MAPK10: variants seen among roughly 807,000 people sequenced by gnomAD.
MAPK10 encodes mitogen-activated protein kinase 10.
Under a neutral mutation model 59.3 loss-of-function variants are expected in MAPK10, and 25 were observed. The observed-to-expected ratio is 0.42, with a 90% CI of 0.31 to 0.59. The LOEUF (loss-of-function observed/expected upper bound fraction) is 0.59, where lower values mean the gene tolerates loss of function less well. Among genes scored for constraint, MAPK10 ranks in the 20% least tolerant of loss-of-function variants. MAPK10 has a pLI of 0.15. For missense variants in MAPK10, 351 were observed against 568.9 expected, an observed-to-expected ratio of 0.62 and a Z score of 3.90; for synonymous variants, 190 against 200.5, an observed-to-expected ratio of 0.95 and a Z score of 0.44.
intron 13 of MAPK10, among the ~76,000 whole-genome samples, chr4:86,019,538 T>C (rs987795330): frequency 3.9e-5 from 6 of 152,188 alleles, no homozygotes; most frequent in Admixed American, 6.5e-5. Context: ...CCCCTCATGA[T>C]AAGATTTTAT....
At chr4:86,536,010 G>A (rs1758217764) in intron 1 of MAPK10, among the ~76,000 whole-genome samples, 1 of 152,158 alleles carries the variant, frequency 6.6e-6, no homozygotes, top group Non-Finnish European at 1.5e-5. Flanking sequence ...CTATAGTAAT[G>A]CAATAAGGAA....
At chr4:86,354,694 T>C in intron 1 of MAPK10, 50 bp from the exon 2 acceptor site, 5 of 804,600 alleles carry the variant, frequency 6.2e-6, no homozygotes, top group Non-Finnish European at 8.4e-6. Context: ...GATTTAAATT[T>C]GTATTTAGAA....
chr4:86,586,879 A>T (rs1263487472), intron 1 of MAPK10, among the ~76,000 whole-genome samples: 2 of 152,082 alleles, frequency 1.3e-5, no homozygotes, highest in Admixed American at 6.5e-5. Context: ...CCACAATTAA[A>T]TTTTTCTGTC....
intron 2 of MAPK10, chr4:86,219,976 C>A (rs2089048874): frequency 6.6e-6 from 1 of 152,062 alleles, no homozygotes; most frequent in African/African-American, 2.4e-5. Context: ...ATTACTTAAT[C>A]TTACAACATA....
chr4:86,385,801 G>A (rs1741380436), intron 1 of MAPK10, among the ~76,000 whole-genome samples: 1 of 152,264 alleles, frequency 6.6e-6, no homozygotes, highest in African/African-American at 2.4e-5. Context: ...TATGATGTCA[G>A]GCTGAAAATT....
At chr4:86,505,550 A>T (rs1380739414) in intron 1 of MAPK10, among the ~76,000 whole-genome samples, 6 of 152,072 alleles carry the variant, frequency 3.9e-5, no homozygotes. Context: ...TCACACCACC[A>T]CACTTCAGCC....
At chr4:86,135,066 A>C (rs1334404174) in intron 4 of MAPK10, among the ~76,000 whole-genome samples, 2 of 152,108 alleles carry the variant, frequency 1.3e-5, no homozygotes, top group Non-Finnish European at 2.9e-5. Context: ...TTCCTAGCAC[A>C]GCAGTCTGAG....
intron 2 of MAPK10, among the ~76,000 whole-genome samples, chr4:86,200,883 T>C (rs977722056): frequency 6.6e-6 from 1 of 151,892 alleles, no homozygotes; most frequent in Non-Finnish European, 1.5e-5. Context: ...CTTTTAGTTA[T>C]TTTAAAATAT....
chr4:86,150,355 C>A (rs1581350429), intron 4 of MAPK10, among the ~76,000 whole-genome samples: 1 of 152,204 alleles, frequency 6.6e-6, no homozygotes, highest in African/African-American at 2.4e-5. Context: ...AACATGTACA[C>A]CACTTGGGTG....
At chr4:86,148,328 A>G (rs2065503333) in intron 4 of MAPK10, among the ~76,000 whole-genome samples, 1 of 152,208 alleles carries the variant, frequency 6.6e-6, no homozygotes, top group Non-Finnish European at 1.5e-5. Flanking sequence ...GCATGTCAAG[A>G]GCATTCAGGT....
intron 9 of MAPK10, among the ~76,000 whole-genome samples, chr4:86,088,419 C>A (rs550923537): frequency 6.6e-6 from 1 of 152,226 alleles, no homozygotes; most frequent in African/African-American, 2.4e-5. Flanking sequence ...CTCCTGGGCT[C>A]AAGTGATCCT....
chr4:86,391,591 C>A (rs1032400084), intron 1 of MAPK10, among the ~76,000 whole-genome samples: 1 of 152,180 alleles, frequency 6.6e-6, no homozygotes, highest in Non-Finnish European at 1.5e-5. Context: ...CCTCGCCAGG[C>A]AGTGAGCTCT....
chr4:86,329,699 T>G (rs965124953), intron 2 of MAPK10, among the ~76,000 whole-genome samples: 2 of 152,226 alleles, frequency 1.3e-5, no homozygotes, highest in Non-Finnish European at 2.9e-5. Flanking sequence ...AGTCACAATT[T>G]GCCTTTCTTC....
chr4:86,548,445 T>G (rs1216073233), intron 1 of MAPK10, among the ~76,000 whole-genome samples: 1 of 152,108 alleles, frequency 6.6e-6, no homozygotes, highest in Admixed American at 6.5e-5. Flanking sequence ...CCGGACACAA[T>G]AGTAGATAAC....
intron 1 of MAPK10, among the ~76,000 whole-genome samples, chr4:86,390,636 C>T (rs1742067163): frequency 6.6e-6 from 1 of 152,184 alleles, no homozygotes; most frequent in Non-Finnish European, 1.5e-5. Flanking sequence ...TTTTGATTGA[C>T]TGGCACTTTG....
At chr4:86,217,888 A>T (rs2088195167) in intron 2 of MAPK10, among the ~76,000 whole-genome samples, 1 of 152,128 alleles carries the variant, frequency 6.6e-6, no homozygotes, top group Non-Finnish European at 1.5e-5. Flanking sequence ...GCAAACCTCA[A>T]ATTAAAAATA....
At chr4:86,375,636 G>A (rs1186919527) in intron 1 of MAPK10, among the ~76,000 whole-genome samples, 2 of 138,416 alleles carry the variant, frequency 1.4e-5, no homozygotes, top group Admixed American at 1.6e-4. Flanking sequence ...AATCACTTGA[G>A]CCCAGGAGGT....
intron 1 of MAPK10, among the ~76,000 whole-genome samples, chr4:86,573,922 T>C (rs1055622242): frequency 6.6e-6 from 1 of 152,228 alleles, no homozygotes; most frequent in Non-Finnish European, 1.5e-5. Context: ...ATTATCATTA[T>C]ACTTTAAGTT....
chr4:86,417,108 A>G (rs1467508928), intron 1 of MAPK10, among the ~76,000 whole-genome samples: 1 of 152,210 alleles, frequency 6.6e-6, no homozygotes, highest in African/African-American at 2.4e-5. Context: ...GTACTCATAG[A>G]ATTAGTAAAG....
Sources: gnomAD v4.1 joint callset for allele counts (sites outside exome capture counted in the v4.1 genomes callset) on GRCh38, gnomAD v4.1.1 for gene constraint, MANE v1.5 for transcripts, NCBI Gene and HGNC (gene_info 2026-07-23, HGNC 2026-07-21) for gene names.